Variants in ZNF148 observed in about 807,000 individuals in gnomAD.
ZNF148 encodes Beta-Enolase Repressor Factor-1.
In ZNF148, 7 loss-of-function variants were observed where a neutral mutation model predicts 67.7. The ratio of observed to expected loss-of-function variants is 0.10; its 90% CI spans 0.06 to 0.19. The LOEUF (loss-of-function observed/expected upper bound fraction) is 0.19, where lower values mean the gene tolerates loss of function less well. ZNF148 is among the 10% of genes least tolerant of loss of function. ZNF148 has a pLI of 1.00. For missense variants in ZNF148, 583 were observed against 947.1 expected (o/e 0.62, Z 5.05); for synonymous variants, 333 against 330.7 (o/e 1.01, Z -0.08).
In ZNF148 at chr3:125,327,750, C is replaced by G. The variant is rs73195471; in HGVS notation, c.-153+3408G>C. Among the ~76,000 whole-genome samples the G allele has an allele frequency of 5.6e-3, 860 of 152,246 alleles. 8 individuals carry two copies. Among genetic ancestry groups the G allele is most frequent in the Non-Finnish European group, 8.9e-3 (604 of 68,004 alleles). ...AATCCACAAACATTTGGAAATTAAA[C>G]TTCAAACTTCTAAATAACAAAGACA... On this transcript the variant is annotated intron_variant, in intron 2 of 8. Coordinates refer to ENST00000360647, the MANE Select transcript of ZNF148 (RefSeq NM_021964.3).
chr3:125,298,836 C>A (rs1939430377), intron 4 of ZNF148, among the ~76,000 whole-genome samples: 1 of 151,872 alleles, frequency 6.6e-6, no homozygotes, highest in Non-Finnish European at 1.5e-5. Flanking sequence ...ACCATGTTAG[C>A]CAGGATGGTC....
intron 3 of ZNF148, among the ~76,000 whole-genome samples, chr3:125,314,651 C>T (rs1391065058): frequency 6.6e-6 from 1 of 152,194 alleles, no homozygotes; most frequent in African/African-American, 2.4e-5. Context: ...TCATAACTTG[C>T]TAATCTTTCT....
At chr3:125,291,521 A>G (rs1277273882) in intron 4 of ZNF148, among the ~76,000 whole-genome samples, 1 of 152,170 alleles carries the variant, frequency 6.6e-6, no homozygotes, top group South Asian at 2.1e-4. Context: ...CCAACCCAGT[A>G]GAGTAAAAGG....
intron 1 of ZNF148, among the ~76,000 whole-genome samples, chr3:125,364,623 C>T (rs1215593113): frequency 7.0e-6 from 1 of 143,152 alleles, no homozygotes; most frequent in Non-Finnish European, 1.5e-5. Context: ...CACAACACTA[C>T]TCTGTTATGA....
In ZNF148 at chr3:125,230,316, C is replaced by G. The variant is rs1209814565; in HGVS notation, c.*2025G>C. 6.6e-6 allele frequency: 1 copy of G among 152,524 alleles called. No individual in the cohort carries two copies. Among genetic ancestry groups the G allele is most frequent in the Non-Finnish European group, 1.5e-5 (1 of 68,008 alleles). 9.4% of individuals were successfully genotyped at this position (152,524 alleles called of 1,614,324 possible). A position where few individuals can be genotyped will look rare whatever the true frequency, so the allele number is the denominator to read the frequency against. On this transcript the variant is annotated 3_prime_UTR_variant, in exon 9 of 9. Coordinates refer to ENST00000360647, the MANE Select transcript of ZNF148 (RefSeq NM_021964.3). ...CACAGTTCCATTTTTAACGTATCACCTGAATGAAGCCTTTTTGTAATTATG... is the reference window on the plus strand; with the variant it reads ...CACAGTTCCATTTTTAACGTATCACGTGAATGAAGCCTTTTTGTAATTATG...
intron 4 of ZNF148, among the ~76,000 whole-genome samples, chr3:125,303,950 G>A (rs1201969855): frequency 1.3e-5 from 2 of 152,060 alleles, no homozygotes; most frequent in East Asian, 1.9e-4. Flanking sequence ...TAACAACTGG[G>A]AGAAATTGGA....
intron 4 of ZNF148, among the ~76,000 whole-genome samples, chr3:125,307,688 A>G (rs1478481472): frequency 6.6e-6 from 1 of 152,164 alleles, no homozygotes; most frequent in Non-Finnish European, 1.5e-5. Flanking sequence ...TCTGTCACCC[A>G]GGCTGGAGTA....
At chr3:125,245,360 G>A (rs1218458391) in intron 7 of ZNF148, among the ~76,000 whole-genome samples, 2 of 152,058 alleles carry the variant, frequency 1.3e-5, no homozygotes, top group Non-Finnish European at 2.9e-5. Flanking sequence ...GCTCTTGCTC[G>A]CTTTCTCTCA....
chr3:125,375,030 C>G (rs1393093427), intron 1 of ZNF148, 72 bp downstream of exon 1: 3 of 151,382 alleles, frequency 2.0e-5, no homozygotes, highest in East Asian at 4.0e-4. Context: ...GCCGCGCGCT[C>G]CCCCCGCGCG....
At chr3:125,350,443 T>A (rs1460256260) in intron 1 of ZNF148, among the ~76,000 whole-genome samples, 1 of 152,202 alleles carries the variant, frequency 6.6e-6, no homozygotes, top group Non-Finnish European at 1.5e-5. Context: ...GGTGCTGGGA[T>A]AACAGGCGTG....
At chr3:125,320,496 T>G (rs986711358) in intron 3 of ZNF148, among the ~76,000 whole-genome samples, 3 of 152,194 alleles carry the variant, frequency 2.0e-5, no homozygotes, top group Non-Finnish European at 4.4e-5. Context: ...TACGTTTCTG[T>G]TTCATTTATT....
At chr3:125,236,925 G>A (rs2107518893) in intron 7 of ZNF148, among the ~76,000 whole-genome samples, 1 of 152,310 alleles carries the variant, frequency 6.6e-6, no homozygotes, top group Non-Finnish European at 1.5e-5. Flanking sequence ...AGGAAATATT[G>A]AAGGCCGAAA....
intron 4 of ZNF148, among the ~76,000 whole-genome samples, chr3:125,303,845 C>T (rs1296266904): frequency 6.6e-6 from 1 of 151,754 alleles, no homozygotes; most frequent in Non-Finnish European, 1.5e-5. Flanking sequence ...GTGCCAAAAA[C>T]GGTTAGGGGT....
intron 4 of ZNF148, among the ~76,000 whole-genome samples, chr3:125,297,223 G>T (rs1939333382): frequency 6.6e-6 from 1 of 152,080 alleles, no homozygotes; most frequent in Admixed American, 6.5e-5. Context: ...CTATGGGTAA[G>T]TTTGAGAAAG....
At chr3:125,318,588 C>T (rs909560633) in intron 3 of ZNF148, among the ~76,000 whole-genome samples, 2 of 152,150 alleles carry the variant, frequency 1.3e-5, no homozygotes, top group Non-Finnish European at 2.9e-5. Context: ...AGTAATAAGC[C>T]ACTCTGAGCT....
chr3:125,339,206 T>C (rs547205296), intron 1 of ZNF148, among the ~76,000 whole-genome samples: 1 of 152,310 alleles, frequency 6.6e-6, no homozygotes, highest in South Asian at 2.1e-4. Context: ...TAATGTACGG[T>C]GAACATGTTC....
intron 1 of ZNF148, among the ~76,000 whole-genome samples, chr3:125,346,590 C>G (rs560654445): frequency 8.5e-5 from 13 of 152,302 alleles, no homozygotes; most frequent in African/African-American, 2.6e-4. Flanking sequence ...ATCACACGAG[C>G]AGTTCCCCCA....
In ZNF148 at chr3:125,301,635, A is replaced by T. The variant is rs748108532; in HGVS notation, c.333+11673T>A. Among the ~76,000 whole-genome samples the T allele has an allele frequency of 1.3e-3, 203 of 152,230 alleles. 2 individuals are homozygous for T. Among genetic ancestry groups the T allele is most frequent in the Non-Finnish European group, 2.4e-3 (162 of 68,042 alleles). Reference sequence around the variant, plus strand: ...CAAATCAAAGAAGAAAATCATTAACATGCTCAATATCAATTTTTAAAAGGC... The same window carrying T: ...CAAATCAAAGAAGAAAATCATTAACTTGCTCAATATCAATTTTTAAAAGGC... On this transcript the variant is annotated intron_variant, in intron 4 of 8. Coordinates refer to ENST00000360647, the MANE Select transcript of ZNF148 (RefSeq NM_021964.3).
intron 7 of ZNF148, among the ~76,000 whole-genome samples, chr3:125,262,231 A>C (rs1937375328): frequency 6.6e-6 from 1 of 152,194 alleles, no homozygotes; most frequent in Admixed American, 6.5e-5. Flanking sequence ...TTTACAGAAA[A>C]TTTTATTAGA....
Sources: allele counts gnomAD v4.1 joint callset (sites outside exome capture counted in the v4.1 genomes callset), GRCh38; gene constraint gnomAD v4.1.1; transcripts MANE v1.5; gene names NCBI Gene and HGNC (gene_info 2026-07-23, HGNC 2026-07-21).